Variants in GNA13 observed in about 807,000 individuals in gnomAD.
The protein encoded by GNA13 is G protein subunit alpha 13.
A neutral mutation model predicts 33.5 loss-of-function variants in GNA13; 4 were observed. That is an observed-to-expected ratio of 0.12 (90% CI 0.06 to 0.27). The LOEUF is 0.27. GNA13 is among the 10% of genes least tolerant of loss of function. GNA13 has a pLI of 1.00. For missense variants in GNA13, 319 were observed against 487.2 expected (o/e 0.65, Z 3.25); for synonymous variants, 176 against 183.8 (o/e 0.96, Z 0.34).
chr17:65,012,027 AG>A lies in GNA13; in HGVS notation c.*2229del, dbSNP rs1163505934. The A allele has an allele frequency of 4.4e-6, 1 of 228,152 alleles. No individual in the cohort carries two copies. The highest frequency in any genetic ancestry group is 8.7e-6 in the Non-Finnish European group (1 of 114,974). 14.1% of individuals were successfully genotyped at this position (228,152 alleles called of 1,614,324 possible). A position where few individuals can be genotyped will look rare whatever the true frequency, so the allele number is the denominator to read the frequency against. ...AATTCATTGCCTCAAAATATAGTCT[AG>A]ATTTTAAAAGAATGTTGATTCTGAG... On this transcript the variant is annotated 3_prime_UTR_variant, in exon 4 of 4. Coordinates refer to ENST00000439174, the MANE Select transcript of GNA13 (RefSeq NM_006572.6).
chr17:65,023,654 T>C (rs890671399), intron 2 of GNA13, among the ~76,000 whole-genome samples: 1 of 152,220 alleles, frequency 6.6e-6, no homozygotes, highest in Non-Finnish European at 1.5e-5. Context: ...GTCAAACTGC[T>C]TTATATACTT....
intron 2 of GNA13, among the ~76,000 whole-genome samples, chr17:65,027,021 G>A (rs749396552): frequency 3.3e-5 from 5 of 152,008 alleles, no homozygotes; most frequent in Non-Finnish European, 5.9e-5. Flanking sequence ...CAGGTGATCC[G>A]CCCACCTTGG....
chr17:65,030,990 T>G (rs948674631), intron 2 of GNA13, among the ~76,000 whole-genome samples: 4 of 152,214 alleles, frequency 2.6e-5, no homozygotes, highest in African/African-American at 9.7e-5. Context: ...GATAATTAAG[T>G]AGAGTTTCTT....
intron 2 of GNA13, among the ~76,000 whole-genome samples, chr17:65,040,489 T>C (rs1907414622): frequency 2.0e-5 from 3 of 152,192 alleles, no homozygotes; most frequent in African/African-American, 7.2e-5. Flanking sequence ...TGCAACTTTG[T>C]GAACATACAG....
At chr17:65,048,702 G>C (rs1346148755) in intron 2 of GNA13, among the ~76,000 whole-genome samples, 1 of 152,154 alleles carries the variant, frequency 6.6e-6, no homozygotes, top group Non-Finnish European at 1.5e-5. Flanking sequence ...TGAGTAGTCT[G>C]CTAAAAACCT....
chr17:65,055,162 G>T (rs1424555049), intron 1 of GNA13, among the ~76,000 whole-genome samples: 1 of 152,032 alleles, frequency 6.6e-6, no homozygotes, highest in African/African-American at 2.4e-5. Flanking sequence ...CTCCTAAACT[G>T]CTCCCCAGAT....
chr17:65,042,526 C>G (rs1907496682), intron 2 of GNA13, among the ~76,000 whole-genome samples: 1 of 152,026 alleles, frequency 6.6e-6, no homozygotes, highest in Non-Finnish European at 1.5e-5. Context: ...CAATTGAGGT[C>G]AGAAGTTTCA....
At chr17:65,036,731 A>C (rs189454884) in intron 2 of GNA13, among the ~76,000 whole-genome samples, 6 of 152,300 alleles carry the variant, frequency 3.9e-5, no homozygotes, top group Admixed American at 3.3e-4. Context: ...TAAATAAATA[A>C]AACTAGCTGT....
chr17:65,038,402 CAAA>C (rs78958162), intron 2 of GNA13, among the ~76,000 whole-genome samples: 128,435 of 147,930 alleles, frequency 0.87, 58,454 homozygotes, highest in South Asian at 1. Context: ...GACACCATCT[CAAA>C]AAAAAAAAAA....
chr17:65,034,686 G>A (rs1489920473), intron 2 of GNA13, among the ~76,000 whole-genome samples: 1 of 152,048 alleles, frequency 6.6e-6, no homozygotes, highest in Non-Finnish European at 1.5e-5. Flanking sequence ...ACGCAGTTTA[G>A]TAATTCTCCT....
Position 65,014,729 on chromosome 17 carries a change from A to G in GNA13, c.662T>C (p.Val221Ala). 6.2e-7 allele frequency: 1 copy of G among 1,613,838 alleles called. No individual in the cohort carries two copies. Among genetic ancestry groups the G allele is most frequent in the Non-Finnish European group, 8.5e-7 (1 of 1,179,768 alleles). The change falls in exon 4 of 4, where the codon GTT (valine) becomes GCT (alanine). Residue 221 changes from valine to alanine, a missense_variant. Val to Ala is a moderately conservative substitution (Grantham distance 64). Around this residue, in one of 4 missense-constraint regions of GNA13, gnomAD observed 134 missense variants for 241.3 expected, o/e 0.56. Transcript: ENST00000439174. This position sits in a 1 kb window ranked among gnomAD's most constrained non-coding sequence, Gnocchi z 5.3. The stretch of plus-strand genomic sequence containing the variant: ...TTCTGATCTCTGACCACCTACATCA[A>G]CCATTTTGAAAGGAACATTTTTTAT... ...FEIKNVPFKM[V>A]DVGGQRSERK...
chr17:65,045,041 TCA>T (rs1907608745), intron 2 of GNA13, among the ~76,000 whole-genome samples: 1 of 116,190 alleles, frequency 8.6e-6, no homozygotes, highest in Non-Finnish European at 1.7e-5. Context: ...AGACTCCATC[TCA>T]AAAAAAAAAA....
At chr17:65,024,926 T>C (rs1474344250) in intron 2 of GNA13, among the ~76,000 whole-genome samples, 1 of 152,172 alleles carries the variant, frequency 6.6e-6, no homozygotes, top group Admixed American at 6.6e-5. Context: ...ACTCTGGTTA[T>C]CCAGGCTGGA....
intron 2 of GNA13, among the ~76,000 whole-genome samples, chr17:65,018,781 G>GGA (rs754997930): frequency 6.6e-6 from 1 of 152,124 alleles, no homozygotes; most frequent in Non-Finnish European, 1.5e-5. Context: ...CCACAGGCAT[G>GGA]GACAGGCGTG....
In GNA13 at chr17:65,014,934, T is replaced by C; in HGVS notation, c.562-105A>G. On this transcript the variant is annotated intron_variant, in intron 3 of 3. Coordinates refer to ENST00000439174, the MANE Select transcript of GNA13 (RefSeq NM_006572.6). The surrounding 1 kb of genome is among the most constrained non-coding windows in gnomAD (Gnocchi z 5.3). The stretch of plus-strand genomic sequence containing the variant: ...GAATAGATATGCAAACAAAATGATC[T>C]TTTAAGTGACATTTTCAGATAGATT... 1.5e-6 allele frequency: 1 copy of C among 663,554 alleles called. No homozygotes were observed. Among genetic ancestry groups the C allele is most frequent in the East Asian group, 2.7e-5 (1 of 37,524 alleles). 41.1% of individuals were successfully genotyped at this position (663,554 alleles called of 1,614,324 possible).
intron 2 of GNA13, among the ~76,000 whole-genome samples, chr17:65,048,896 A>T (rs1157028191): frequency 6.6e-6 from 1 of 152,162 alleles, no homozygotes; most frequent in Non-Finnish European, 1.5e-5. Flanking sequence ...TAGTTATTTT[A>T]TCTGCTAACC....
Position 65,014,175 on chromosome 17 carries a change from G to C in GNA13, c.*82C>G. 1.3e-6 allele frequency: 1 copy of C among 776,228 alleles called. No homozygotes were observed. The highest frequency in any genetic ancestry group is 2.1e-6 in the Non-Finnish European group (1 of 469,388). 48.1% of individuals were successfully genotyped at this position (776,228 alleles called of 1,614,324 possible). On this transcript the variant is annotated 3_prime_UTR_variant, in exon 4 of 4. Transcript: ENST00000439174. This position sits in a 1 kb window ranked among gnomAD's most constrained non-coding sequence, Gnocchi z 5.3. ...AATTAAGATTGTTCTAATTCTGGTTGTAAACTGCTATTTTAAAAAACAAAA... is the reference window on the plus strand; with the variant it reads ...AATTAAGATTGTTCTAATTCTGGTTCTAAACTGCTATTTTAAAAAACAAAA...
In GNA13 at chr17:65,012,190, T is replaced by A. The variant is rs527396584; in HGVS notation, c.*2067A>T. ...TGCTTTGTCAGGCAATATCTATGGT[T>A]CGTATCACAGATCTTAACTATGACT... On this transcript the variant is annotated 3_prime_UTR_variant, in exon 4 of 4. Transcript: ENST00000439174. The A allele has an allele frequency of 4.5e-6, 1 of 220,818 alleles. No individual in the cohort carries two copies. The highest frequency in any genetic ancestry group is 2.2e-5 in the African/African-American group (1 of 44,836). 13.7% of individuals were successfully genotyped at this position (220,818 alleles called of 1,614,324 possible).
Position 65,012,784 on chromosome 17 carries a change from C to T in GNA13, c.*1473G>A, listed in dbSNP as rs1035109233. On this transcript the variant is annotated 3_prime_UTR_variant, in exon 4 of 4. Transcript: ENST00000439174. ...AGCTATACAGTAAAATGACAGATAT[C>T]ACAGTCTTAAAATTTTCAGGAAAAG... The T allele has an allele frequency of 4.6e-6, 1 of 218,832 alleles. No individual in the cohort carries two copies. The highest frequency in any genetic ancestry group is 2.2e-5 in the African/African-American group (1 of 44,464). 13.6% of individuals were successfully genotyped at this position (218,832 alleles called of 1,614,324 possible). A position where few individuals can be genotyped will look rare whatever the true frequency, so the allele number is the denominator to read the frequency against.
Sources: allele counts gnomAD v4.1 joint callset (sites outside exome capture counted in the v4.1 genomes callset), GRCh38; gene constraint gnomAD v4.1.1; regional missense constraint gnomAD v4.1.1; non-coding constraint Gnocchi (gnomAD v3.1); transcripts MANE v1.5; gene names NCBI Gene and HGNC (gene_info 2026-07-23, HGNC 2026-07-21).